SPDYE12: variants seen among roughly 807,000 people sequenced by gnomAD.
SPDYE12 encodes speedy protein E12.
At chr7:74,907,267 A>G in the SPDYE12 span, among the ~76,000 whole-genome samples, 1 of 151,160 alleles carries the variant, frequency 6.6e-6, no homozygotes. Context: ...GACCTGATCA[A>G]GGGCGTCTCC....
chr7:74,909,799 G>A, the SPDYE12 span, among the ~76,000 whole-genome samples: 29 of 150,546 alleles, frequency 1.9e-4, no homozygotes, highest in East Asian at 2.7e-3. Flanking sequence ...CCGAGAAGCC[G>A]GAGGAAGGGT....
chr7:74,910,712 A>G, the SPDYE12 span: 3 of 1,366,686 alleles, frequency 2.2e-6, no homozygotes, highest in African/African-American at 4.3e-5. Context: ...AAAAACAAAA[A>G]CAAAAAAAAA....
chr7:74,915,018 C>T, the SPDYE12 span, among the ~76,000 whole-genome samples: 1 of 151,710 alleles, frequency 6.6e-6, no homozygotes, highest in African/African-American at 2.4e-5. Flanking sequence ...GTCTCTCGCT[C>T]ATGGGAAAGG....
the SPDYE12 span, chr7:74,909,404 T>C: frequency 2.9e-6 from 4 of 1,357,526 alleles, no homozygotes; most frequent in African/African-American, 1.4e-5. Flanking sequence ...CCTGTCTTTT[T>C]TGTACACAGA....
the SPDYE12 span, among the ~76,000 whole-genome samples, chr7:74,914,987 C>T: frequency 3.4e-4 from 51 of 151,166 alleles, no homozygotes; most frequent in East Asian, 2.0e-3. Flanking sequence ...GGCTTCCTAA[C>T]GGGCTGCGGC....
chr7:74,910,790 G>A, the SPDYE12 span: 1 of 1,312,894 alleles, frequency 7.6e-7, no homozygotes, highest in Non-Finnish European at 1.1e-6. Flanking sequence ...CCCTCCCCCT[G>A]GCCGTGCGTT....
the SPDYE12 span, among the ~76,000 whole-genome samples, chr7:74,908,818 C>T: frequency 6.7e-6 from 1 of 148,190 alleles, no homozygotes; most frequent in Non-Finnish European, 1.5e-5. Flanking sequence ...GGACTACAGG[C>T]GCCCGCCACC....
At chr7:74,909,117 A>G in the SPDYE12 span, among the ~76,000 whole-genome samples, 8 of 130,524 alleles carry the variant, frequency 6.1e-5, no homozygotes, top group South Asian at 2.3e-4. Flanking sequence ...GCAGTGGCTC[A>G]ACCTTAGCAT....
the SPDYE12 span, among the ~76,000 whole-genome samples, chr7:74,909,013 G>A: frequency 7.1e-6 from 1 of 140,316 alleles, no homozygotes; most frequent in Non-Finnish European, 1.5e-5. Flanking sequence ...ACTGGCATTG[G>A]AGTTTGGTTT....
At chr7:74,909,621 A>G in the SPDYE12 span, 6 of 1,429,830 alleles carry the variant, frequency 4.2e-6, no homozygotes, top group East Asian at 9.1e-5. Flanking sequence ...ATGGAGAGAA[A>G]GGAACACAGA....
the SPDYE12 span, among the ~76,000 whole-genome samples, chr7:74,914,853 G>A: frequency 2.0e-5 from 3 of 150,084 alleles, no homozygotes; most frequent in African/African-American, 7.3e-5. Context: ...AACTTGGGAG[G>A]CGGAGGTTGC....
the SPDYE12 span, among the ~76,000 whole-genome samples, chr7:74,910,521 C>T: frequency 3.4e-5 from 5 of 146,742 alleles, no homozygotes; most frequent in African/African-American, 1.2e-4. Context: ...AAAACCCCGT[C>T]TCTACTAAAA....
the SPDYE12 span, among the ~76,000 whole-genome samples, chr7:74,908,326 A>C: frequency 7.8e-6 from 1 of 127,606 alleles, no homozygotes. Flanking sequence ...ATAGAGAAAG[A>C]CATCAGCTAA....
At chr7:74,910,722 A>C in the SPDYE12 span, 4 of 1,386,166 alleles carry the variant, frequency 2.9e-6, no homozygotes, top group East Asian at 2.3e-5. Flanking sequence ...ACAAAAAAAA[A>C]CTGTAGGAGC....
At chr7:74,910,386 CA>C in the SPDYE12 span, among the ~76,000 whole-genome samples, 1 of 150,348 alleles carries the variant, frequency 6.7e-6, no homozygotes, top group Non-Finnish European at 1.5e-5. Flanking sequence ...GTGTGGGTGC[CA>C]AGACTCAAGA....
chr7:74,906,997 C>T, the SPDYE12 span: 254 of 1,590,782 alleles, frequency 1.6e-4, 6 homozygotes, highest in Admixed American at 6.9e-4. Context: ...CCAAAGCTCA[C>T]GGAGCAAGGG....
At chr7:74,910,053 C>T in the SPDYE12 span, among the ~76,000 whole-genome samples, 5 of 149,940 alleles carry the variant, frequency 3.3e-5, no homozygotes, top group South Asian at 2.1e-4. Context: ...AGAATCCTGA[C>T]GGAGATGCTG....
chr7:74,909,840 C>T, the SPDYE12 span, among the ~76,000 whole-genome samples: 50 of 148,122 alleles, frequency 3.4e-4, no homozygotes, highest in African/African-American at 1.1e-3. Context: ...TGGTGGGCTC[C>T]GATGGGATCT....
At chr7:74,914,931 A>C in the SPDYE12 span, among the ~76,000 whole-genome samples, 1 of 94,338 alleles carries the variant, frequency 1.1e-5, no homozygotes, top group African/African-American at 3.0e-5. Flanking sequence ...CTCAAAAAAA[A>C]AAAACAAAAA....
Sources: allele counts gnomAD v4.1 joint callset (sites outside exome capture counted in the v4.1 genomes callset), GRCh38; gene constraint gnomAD v4.1.1; transcripts MANE v1.5; gene names NCBI Gene and HGNC (gene_info 2026-07-23, HGNC 2026-07-21).